Variants in NDST3 observed in about 807,000 individuals in gnomAD.
The protein encoded by NDST3 is bifunctional heparan sulfate N-deacetylase/N-sulfotransferase 3.
Under a neutral mutation model 96.1 loss-of-function variants are expected in NDST3, and 58 were observed. That is an observed-to-expected ratio of 0.60 (90% CI 0.49 to 0.75). The LOEUF (loss-of-function observed/expected upper bound fraction) is 0.75, where lower values mean the gene tolerates loss of function less well. Ranked by LOEUF, NDST3 falls within the 30% of genes least tolerant of loss-of-function variation. The pLI, the probability that NDST3 is intolerant of heterozygous loss-of-function variation, is 0.00. For synonymous variants in NDST3, 333 were observed against 359.7 expected, an observed-to-expected ratio of 0.93 and a Z score of 0.84; for missense variants, 788 against 1,034.2, an observed-to-expected ratio of 0.76 and a Z score of 3.27.
chr4:118,098,605 C>G (rs1729530873), intron 2 of NDST3, among the ~76,000 whole-genome samples: 1 of 152,010 alleles, frequency 6.6e-6, no homozygotes, highest in African/African-American at 2.4e-5. Context: ...AATGTATGCT[C>G]AAGACCAGTT....
At chr4:118,040,720 T>C (rs892093968) in intron 1 of NDST3, among the ~76,000 whole-genome samples, 1 of 151,570 alleles carries the variant, frequency 6.6e-6, no homozygotes, top group Non-Finnish European at 1.5e-5. Context: ...TTTTACTCTG[T>C]CGCCCAGGCT....
At chr4:118,206,395 G>A (rs1008073961) in intron 6 of NDST3, among the ~76,000 whole-genome samples, 1 of 144,576 alleles carries the variant, frequency 6.9e-6, no homozygotes, top group African/African-American at 2.6e-5. Context: ...AAGTTGATAG[G>A]ATTTAGACTG....
Position 118,205,322 on chromosome 4 carries a change from C to T in NDST3, c.1540-19169C>T, listed in dbSNP as rs186635851. On this transcript the variant is annotated intron_variant, in intron 6 of 13. Coordinates refer to ENST00000296499, the MANE Select transcript of NDST3 (RefSeq NM_004784.3). ...TATCATCTATTTACAGAATGATAGA[C>T]ATTGCCATTGAGTTCATATGCTAGA... Among the ~76,000 whole-genome samples the T allele has an allele frequency of 1.4e-3, 197 of 144,644 alleles. 21 individuals carry two copies. Among genetic ancestry groups the T allele is most frequent in the Non-Finnish European group, 2.2e-3 (143 of 65,248 alleles). 94.9% of individuals were successfully genotyped at this position (144,644 alleles called of 152,430 possible).
rs150584766 is a variant in NDST3 at position 118,094,251 on chromosome 4, A to ATTAAAGTTG, written c.982-10763_982-10755dup. 4.4e-3 allele frequency among the ~76,000 whole-genome samples: 666 copies of ATTAAAGTTG among 152,000 alleles called. 8 individuals carry two copies. The highest frequency in any genetic ancestry group is 0.015 in the African/African-American group (620 of 41,494). ...TGCATCTGCAATGTAATTCTAGTGGATTAAAGTTGTTAGGCACAGTATACA... is the reference window on the plus strand; with the variant it reads ...TGCATCTGCAATGTAATTCTAGTGGATTAAAGTTGTTAAAGTTGTTAGGCACAGTATACA... On this transcript the variant is annotated intron_variant, in intron 2 of 13. Coordinates refer to ENST00000296499, the MANE Select transcript of NDST3 (RefSeq NM_004784.3).
At chr4:118,094,667 T>C (rs1251537802) in intron 2 of NDST3, among the ~76,000 whole-genome samples, 1 of 151,886 alleles carries the variant, frequency 6.6e-6, no homozygotes, top group African/African-American at 2.4e-5. Flanking sequence ...CAGTAATTAA[T>C]TTATTCTTTC....
chr4:118,179,528 C>T (rs1427588262), intron 6 of NDST3, among the ~76,000 whole-genome samples: 4 of 151,830 alleles, frequency 2.6e-5, no homozygotes, highest in Non-Finnish European at 4.4e-5. Flanking sequence ...GGTGGAGGTC[C>T]ACTCCCAATT....
intron 3 of NDST3, among the ~76,000 whole-genome samples, chr4:118,110,625 G>A (rs1301437219): frequency 2.6e-5 from 4 of 152,078 alleles, no homozygotes; most frequent in Non-Finnish European, 5.9e-5. Flanking sequence ...ATAAAATAGT[G>A]TAGAGAAGTT....
intron 6 of NDST3, among the ~76,000 whole-genome samples, chr4:118,212,129 C>A (rs1738840693): frequency 6.6e-6 from 1 of 152,100 alleles, no homozygotes; most frequent in South Asian, 2.1e-4. Flanking sequence ...GTTGGGTTCA[C>A]AATGCAAATA....
rs181590292 is a variant in NDST3 at position 118,048,546 on chromosome 4, A to G, written c.-155-5210A>G. Among the ~76,000 whole-genome samples the G allele has an allele frequency of 2.5e-3, 374 of 152,336 alleles. 2 individuals are homozygous for G. Among genetic ancestry groups the G allele is most frequent in the African/African-American group, 8.5e-3 (355 of 41,580 alleles). ...GGATGGAGAAAGATCTACCATACAA[A>G]TGGAAAATATACAAAGATCAGGAGT... On this transcript the variant is annotated intron_variant, in intron 1 of 13. Transcript: ENST00000296499.
At chr4:118,190,185 T>C (rs2125963975) in intron 6 of NDST3, among the ~76,000 whole-genome samples, 1 of 152,216 alleles carries the variant, frequency 6.6e-6, no homozygotes, top group East Asian at 1.9e-4. Context: ...CCCTAATTTA[T>C]AGTGAAAACT....
chr4:118,250,676 G>C (rs1157287258), intron 12 of NDST3, among the ~76,000 whole-genome samples: 2 of 152,032 alleles, frequency 1.3e-5, no homozygotes, highest in Non-Finnish European at 2.9e-5. Flanking sequence ...TAGAGACAGG[G>C]TTTCTCCATG....
At chr4:118,121,928 T>G (rs1417265601) in intron 4 of NDST3, among the ~76,000 whole-genome samples, 8 of 152,202 alleles carry the variant, frequency 5.3e-5, no homozygotes, top group African/African-American at 1.9e-4. Context: ...TCTTTGTAAA[T>G]TCCTGTCCAG....
At chr4:118,189,681 G>A (rs545489843) in intron 6 of NDST3, among the ~76,000 whole-genome samples, 9 of 152,016 alleles carry the variant, frequency 5.9e-5, no homozygotes, top group South Asian at 4.2e-4. Flanking sequence ...CCAACCAAAC[G>A]ACCTAAGAAA....
At chr4:118,179,088 G>T in intron 6 of NDST3, among the ~76,000 whole-genome samples, 1 of 152,004 alleles carries the variant, frequency 6.6e-6, no homozygotes, top group Non-Finnish European at 1.5e-5. Context: ...CAATAAACCT[G>T]TCTGACTTTT....
intron 13 of NDST3, among the ~76,000 whole-genome samples, chr4:118,254,058 T>A (rs923656600): frequency 1.3e-5 from 2 of 151,976 alleles, no homozygotes; most frequent in Non-Finnish European, 2.9e-5. Flanking sequence ...CTGGCCAACA[T>A]GATAAAACCC....
chr4:118,147,257 C>A (rs553715591), intron 6 of NDST3, among the ~76,000 whole-genome samples: 1 of 152,152 alleles, frequency 6.6e-6, no homozygotes, highest in East Asian at 1.9e-4. Flanking sequence ...GGTTTTGGAG[C>A]CTGTCGGTCA....
intron 8 of NDST3, among the ~76,000 whole-genome samples, chr4:118,227,677 T>C (rs1187080429): frequency 6.7e-6 from 1 of 149,256 alleles, no homozygotes; most frequent in Non-Finnish European, 1.5e-5. Flanking sequence ...AGTGGCATGA[T>C]CTCAGCTCAC....
At chr4:118,254,687 A>G (rs1742004421) in intron 13 of NDST3, among the ~76,000 whole-genome samples, 1 of 152,182 alleles carries the variant, frequency 6.6e-6, no homozygotes, top group Non-Finnish European at 1.5e-5. Flanking sequence ...TCAGAAATTA[A>G]AATATGATTT....
intron 6 of NDST3, chr4:118,193,945 C>T: frequency 2.2e-6 from 2 of 929,848 alleles, no homozygotes; most frequent in Non-Finnish European, 3.5e-6. Context: ...CCTTGAAGTA[C>T]ACAGTGTCCC....
Sources: gnomAD v4.1 joint callset for allele counts (sites outside exome capture counted in the v4.1 genomes callset) on GRCh38, gnomAD v4.1.1 for gene constraint, MANE v1.5 for transcripts, NCBI Gene and HGNC (gene_info 2026-07-23, HGNC 2026-07-21) for gene names.